ZNF385D: variants seen among roughly 807,000 people sequenced by gnomAD.
ZNF385D encodes the protein zinc finger protein 385D.
ZNF385D carries 15 observed loss-of-function variants against 35.8 expected under a neutral mutation model. That is an observed-to-expected ratio of 0.42 (90% CI 0.28 to 0.64). The LOEUF is 0.64. Ranked by LOEUF, ZNF385D falls within the 30% of genes least tolerant of loss-of-function variation. The probability of loss-of-function intolerance (pLI) is 0.23; values close to 1 mark genes in which losing one functional copy is unlikely to be tolerated. For synonymous variants in ZNF385D, 212 were observed against 186.8 expected (o/e 1.13, Z -1.10); for missense variants, 474 against 494.6 (o/e 0.96, Z 0.39).
At chr3:21,587,672 A>C (rs187275881) in intron 2 of ZNF385D, among the ~76,000 whole-genome samples, 1 of 152,320 alleles carries the variant, frequency 6.6e-6, no homozygotes, top group East Asian at 1.9e-4. Flanking sequence ...TGTTGAGGTT[A>C]AATATAAGAA....
At chr3:21,789,133 T>C (rs1404790475) in intron 3 of ZNF385D, among the ~76,000 whole-genome samples, 1 of 152,214 alleles carries the variant, frequency 6.6e-6, no homozygotes, top group East Asian at 1.9e-4. Flanking sequence ...AGGCCATTAC[T>C]TGGTTCCACC....
chr3:21,734,932 G>A (rs2069175619), intron 1 of ZNF385D, among the ~76,000 whole-genome samples: 1 of 146,230 alleles, frequency 6.8e-6, no homozygotes, highest in African/African-American at 2.5e-5. Context: ...AGTGAGGAAT[G>A]GAATGAGGGA....
chr3:21,821,203 G>T (rs1228401030), intron 3 of ZNF385D, among the ~76,000 whole-genome samples: 1 of 151,692 alleles, frequency 6.6e-6, no homozygotes, highest in Non-Finnish European at 1.5e-5. Flanking sequence ...TAAAATTACA[G>T]AAAAGTCTCA....
chr3:22,127,130 G>T (rs1352809126), intron 3 of ZNF385D, among the ~76,000 whole-genome samples: 1 of 151,652 alleles, frequency 6.6e-6, no homozygotes, highest in Non-Finnish European at 1.5e-5. Flanking sequence ...TATCCATTCA[G>T]TCACTGTTTT....
intron 3 of ZNF385D, among the ~76,000 whole-genome samples, chr3:21,848,034 A>G (rs191738831): frequency 7.9e-5 from 12 of 152,120 alleles, no homozygotes; most frequent in Admixed American, 2.0e-4. Context: ...CCCTGCTTCT[A>G]TAAGTGTGAC....
At chr3:22,233,596 C>T (rs1699016224) in intron 2 of ZNF385D, among the ~76,000 whole-genome samples, 1 of 151,958 alleles carries the variant, frequency 6.6e-6, no homozygotes, top group Non-Finnish European at 1.5e-5. Context: ...AGAAAAGTGC[C>T]CACTCTTCTT....
chr3:22,042,000 C>A (rs921777651), intron 3 of ZNF385D, among the ~76,000 whole-genome samples: 14 of 152,112 alleles, frequency 9.2e-5, no homozygotes, highest in African/African-American at 3.4e-4. Context: ...TATTGCCTTA[C>A]AAAAGTTGGA....
intron 3 of ZNF385D, among the ~76,000 whole-genome samples, chr3:21,798,783 T>TAAAG (rs2072267990): frequency 6.6e-6 from 1 of 152,164 alleles, no homozygotes; most frequent in East Asian, 1.9e-4. Flanking sequence ...TACTTTAGAA[T>TAAAG]TCTCAGTGAT....
chr3:21,773,118 G>A (rs867301593), intron 3 of ZNF385D, among the ~76,000 whole-genome samples: 14 of 151,904 alleles, frequency 9.2e-5, no homozygotes, highest in Non-Finnish European at 1.6e-4. Context: ...AAAGAGTTAA[G>A]GTGATAAAGG....
intron 3 of ZNF385D, among the ~76,000 whole-genome samples, chr3:22,090,994 C>T (rs1701302453): frequency 6.6e-6 from 1 of 152,104 alleles, no homozygotes; most frequent in South Asian, 2.1e-4. Context: ...ATTGCAAGAC[C>T]ATGCTAATAT....
intron 3 of ZNF385D, among the ~76,000 whole-genome samples, chr3:21,845,072 T>G (rs553080096): frequency 6.6e-6 from 1 of 152,064 alleles, no homozygotes; most frequent in African/African-American, 2.4e-5. Context: ...GTCTTAAAGT[T>G]GCTTTGCGAC....
chr3:22,071,967 TGA>T (rs1559347061), intron 3 of ZNF385D, among the ~76,000 whole-genome samples: 5 of 152,094 alleles, frequency 3.3e-5, no homozygotes, highest in Non-Finnish European at 7.4e-5. Context: ...CCAAGAAACC[TGA>T]AGTAAACTGT....
intron 3 of ZNF385D, among the ~76,000 whole-genome samples, chr3:21,903,626 A>C (rs1325130987): frequency 2.0e-5 from 3 of 152,230 alleles, no homozygotes; most frequent in African/African-American, 7.2e-5. Context: ...ATTGAACTGT[A>C]CATTTAAAAA....
At chr3:21,656,290 A>C (rs1464107429) in intron 2 of ZNF385D, among the ~76,000 whole-genome samples, 2 of 151,942 alleles carry the variant, frequency 1.3e-5, no homozygotes, top group African/African-American at 4.8e-5. Context: ...AATACCATAG[A>C]CTGGGTGGTT....
intron 3 of ZNF385D, among the ~76,000 whole-genome samples, chr3:22,128,402 C>T (rs1703569429): frequency 6.6e-6 from 1 of 151,914 alleles, no homozygotes; most frequent in Admixed American, 6.6e-5. Flanking sequence ...GTTTTATAAC[C>T]TTCTTGTAGC....
intron 4 of ZNF385D, among the ~76,000 whole-genome samples, chr3:21,466,483 G>A (rs1390996415): frequency 3.9e-5 from 6 of 151,990 alleles, no homozygotes; most frequent in Non-Finnish European, 5.9e-5. Flanking sequence ...AGCCTTCAAG[G>A]ATACCCTACA....
chr3:21,534,344 A>T (rs1359336774), intron 3 of ZNF385D, among the ~76,000 whole-genome samples: 1 of 152,112 alleles, frequency 6.6e-6, no homozygotes, highest in African/African-American at 2.4e-5. Context: ...AGATTTGAAC[A>T]GATTGTTCCA....
chr3:22,307,907 T>C (rs1298717171), intron 2 of ZNF385D, among the ~76,000 whole-genome samples: 1 of 152,110 alleles, frequency 6.6e-6, no homozygotes, highest in Non-Finnish European at 1.5e-5. Context: ...AGGGGAAATT[T>C]ATAAAAGATA....
chr3:21,451,179 T>C (rs1702434885), intron 4 of ZNF385D, among the ~76,000 whole-genome samples: 1 of 152,056 alleles, frequency 6.6e-6, no homozygotes, highest in Non-Finnish European at 1.5e-5. Flanking sequence ...TCAATACGAT[T>C]TTGATGAAAT....
Sources: gnomAD v4.1 joint callset for allele counts (sites outside exome capture counted in the v4.1 genomes callset) on GRCh38, gnomAD v4.1.1 for gene constraint, MANE v1.5 for transcripts, NCBI Gene and HGNC (gene_info 2026-07-23, HGNC 2026-07-21) for gene names.